MAPK10: variants seen among roughly 807,000 people sequenced by gnomAD.
MAPK10 encodes JNK3 alpha protein kinase.
Under a neutral mutation model 59.3 loss-of-function variants are expected in MAPK10, and 25 were observed. The ratio of observed to expected loss-of-function variants is 0.42; its 90% confidence interval spans 0.31 to 0.59. The LOEUF (loss-of-function observed/expected upper bound fraction) is 0.59, where lower values mean the gene tolerates loss of function less well. Among genes scored for constraint, MAPK10 ranks in the 20% least tolerant of loss-of-function variants. The probability of loss-of-function intolerance (pLI) is 0.15; values close to 1 mark genes in which losing one functional copy is unlikely to be tolerated. For synonymous variants in MAPK10, 190 were observed against 200.5 expected (o/e 0.95, Z 0.44); for missense variants, 351 against 568.9 (o/e 0.62, Z 3.90).
intron 2 of MAPK10, chr4:86,321,800 T>G (rs1254024946): frequency 6.6e-6 from 1 of 152,166 alleles, no homozygotes; most frequent in Non-Finnish European, 1.5e-5. Context: ...AAACCTGTTT[T>G]GTAACCCCAA....
At chr4:86,104,973 G>A (rs1490126685) in intron 5 of MAPK10, among the ~76,000 whole-genome samples, 1 of 152,036 alleles carries the variant, frequency 6.6e-6, no homozygotes, top group East Asian at 1.9e-4. Context: ...ACAGTTTCCA[G>A]ACAGGAATCT....
At chr4:86,035,405 G>T (rs1481564920) in intron 11 of MAPK10, among the ~76,000 whole-genome samples, 2 of 148,206 alleles carry the variant, frequency 1.3e-5, no homozygotes, top group Non-Finnish European at 3.0e-5. Context: ...ATGATCCAGG[G>T]TATCATGATA....
chr4:86,335,613 G>GTT (rs374271581), intron 2 of MAPK10, among the ~76,000 whole-genome samples: 1 of 148,210 alleles, frequency 6.7e-6, no homozygotes, highest in African/African-American at 2.5e-5. Context: ...TACTGTATTA[G>GTT]TTTTTTTTTT....
chr4:86,549,154 C>T (rs2149099065), intron 1 of MAPK10, among the ~76,000 whole-genome samples: 1 of 152,124 alleles, frequency 6.6e-6, no homozygotes, highest in African/African-American at 2.4e-5. Context: ...GTAATTTTAA[C>T]CATATCTTAT....
intron 1 of MAPK10, among the ~76,000 whole-genome samples, chr4:86,489,705 G>A (rs1754311031): frequency 1.3e-5 from 2 of 152,070 alleles, no homozygotes; most frequent in Non-Finnish European, 2.9e-5. Context: ...ATCCCCTAGA[G>A]CTAGAGTCTT....
chr4:86,220,412 T>C (rs192842144), intron 2 of MAPK10, among the ~76,000 whole-genome samples: 33 of 152,334 alleles, frequency 2.2e-4, no homozygotes, highest in African/African-American at 7.7e-4. Context: ...TTGAGTAATC[T>C]GTAATGTTGG....
intron 1 of MAPK10, among the ~76,000 whole-genome samples, chr4:86,399,152 C>G (rs1743359487): frequency 6.6e-6 from 1 of 152,128 alleles, no homozygotes; most frequent in African/African-American, 2.4e-5. Context: ...AATAGTAGTT[C>G]TGTTTTCAGT....
intron 4 of MAPK10, among the ~76,000 whole-genome samples, chr4:86,109,192 T>G (rs1367338205): frequency 1.3e-5 from 2 of 152,200 alleles, no homozygotes; most frequent in Non-Finnish European, 2.9e-5. Context: ...TCTTTAATAA[T>G]GACATTCCAC....
intron 1 of MAPK10, among the ~76,000 whole-genome samples, chr4:86,567,251 G>T (rs1366484293): frequency 2.1e-5 from 3 of 146,236 alleles, no homozygotes; most frequent in East Asian, 4.0e-4. Flanking sequence ...ATGGAGTTTT[G>T]CACTTGTTGC....
At chr4:86,132,266 A>C (rs2061147253) in intron 4 of MAPK10, among the ~76,000 whole-genome samples, 1 of 152,216 alleles carries the variant, frequency 6.6e-6, no homozygotes, top group African/African-American at 2.4e-5. Flanking sequence ...TTGAGTTAAA[A>C]TATTGAGTAG....
chr4:86,359,530 CCTG>C lies in MAPK10; in HGVS notation c.-122+125_-122+127del, dbSNP rs755182108. The C allele has an allele frequency of 3.9e-4, 98 of 248,578 alleles. No homozygotes were observed. In the Middle Eastern group the frequency reaches 8.1e-3, roughly 20 times the overall value. 15.4% of individuals were successfully genotyped at this position (248,578 alleles called of 1,614,324 possible). A position where few individuals can be genotyped will look rare whatever the true frequency, so the allele number is the denominator to read the frequency against. On this transcript the variant is annotated intron_variant, in intron 1 of 13. Transcript: ENST00000641462. ...CTTCAAAGCTAGTTCACTTGATTAA[CCTG>C]CTTTCCACCCCACCTCTCTCGTCTC...
chr4:86,539,961 C>G (rs907563349), intron 1 of MAPK10, among the ~76,000 whole-genome samples: 2 of 152,162 alleles, frequency 1.3e-5, no homozygotes, highest in African/African-American at 2.4e-5. Context: ...AAAAAATTAT[C>G]TTGGTAGTAG....
At chr4:86,171,084 G>C (rs915048965) in intron 3 of MAPK10, 5 of 151,956 alleles carry the variant, frequency 3.3e-5, no homozygotes, top group African/African-American at 1.2e-4. Flanking sequence ...AGTGTGTAGA[G>C]GGAAATTTAT....
rs186233482 is a variant in MAPK10 at position 86,536,777 on chromosome 4, G to A, written c.-263+57133C>T. Among the ~76,000 whole-genome samples the A allele has an allele frequency of 1.3e-3, 193 of 152,200 alleles. 2 individuals are homozygous for A. The highest frequency in any genetic ancestry group is 3.7e-4 in the Non-Finnish European group (25 of 68,012). On this transcript the variant is annotated intron_variant, in intron 1 of 4. Transcript: ENST00000502302. ...AGTAAAATTATCTTTAAATCATACCGCATTCCCATAGATTAAAAAGACAAT... is the reference window on the plus strand; with the variant it reads ...AGTAAAATTATCTTTAAATCATACCACATTCCCATAGATTAAAAAGACAAT...
At chr4:86,574,355 G>T (rs892061574) in intron 1 of MAPK10, among the ~76,000 whole-genome samples, 1 of 151,476 alleles carries the variant, frequency 6.6e-6, no homozygotes, top group Non-Finnish European at 1.5e-5. Context: ...GAATAGTGCC[G>T]CAATAAACAT....
intron 1 of MAPK10, among the ~76,000 whole-genome samples, chr4:86,532,090 A>G (rs1757898487): frequency 6.8e-6 from 1 of 147,762 alleles, no homozygotes; most frequent in Non-Finnish European, 1.5e-5. Context: ...ATACATATAT[A>G]TATACATACA....
At chr4:86,251,462 G>A (rs2093426848) in intron 2 of MAPK10, among the ~76,000 whole-genome samples, 1 of 144,330 alleles carries the variant, frequency 6.9e-6, no homozygotes, top group African/African-American at 2.6e-5. Flanking sequence ...TACTGAGAAT[G>A]ATGGTTTCCA....
In MAPK10 at chr4:86,484,352, G is replaced by A. The variant is rs185726819; in HGVS notation, c.-263+109558C>T. Among the ~76,000 whole-genome samples the A allele has an allele frequency of 3.9e-5, 6 of 152,200 alleles. No individual in the cohort carries two copies. In the East Asian group the frequency reaches 1.2e-3, roughly 29 times the overall value. On this transcript the variant is annotated intron_variant, in intron 1 of 4. Coordinates refer to the MAPK10 transcript ENST00000502302. ...TGATGCTCAAAACTTTAAATAACTTGTCCAAGTTCATCTAGCAGCTAAGAA... is the reference window on the plus strand; with the variant it reads ...TGATGCTCAAAACTTTAAATAACTTATCCAAGTTCATCTAGCAGCTAAGAA...
intron 1 of MAPK10, among the ~76,000 whole-genome samples, chr4:86,572,392 G>A (rs1761526708): frequency 6.6e-6 from 1 of 152,126 alleles, no homozygotes; most frequent in Non-Finnish European, 1.5e-5. Flanking sequence ...GAGGTTATCA[G>A]TATTTATGTT....
Sources: allele counts gnomAD v4.1 joint callset (sites outside exome capture counted in the v4.1 genomes callset), GRCh38; gene constraint gnomAD v4.1.1; transcripts MANE v1.5; gene names NCBI Gene and HGNC (gene_info 2026-07-23, HGNC 2026-07-21).